Variants in DACH1 observed in about 807,000 individuals in gnomAD.
The protein encoded by DACH1 is dachshund family transcription factor 1.
DACH1 carries 12 observed loss-of-function variants against 54.2 expected under a neutral mutation model. The observed-to-expected ratio is 0.22, with a 90% confidence interval of 0.14 to 0.36. The LOEUF (loss-of-function observed/expected upper bound fraction) is 0.36, where lower values mean the gene tolerates loss of function less well. Among genes scored for constraint, DACH1 ranks in the 10% least tolerant of loss-of-function variants. DACH1 has a pLI of 1.00. For synonymous variants in DACH1, 386 were observed against 366.2 expected, an observed-to-expected ratio of 1.05 and a Z score of -0.62; for missense variants, 805 against 929.8, an observed-to-expected ratio of 0.87 and a Z score of 1.75.
intron 6 of DACH1, among the ~76,000 whole-genome samples, chr13:71,497,947 C>T (rs1879586033): frequency 6.6e-6 from 1 of 151,470 alleles, no homozygotes; most frequent in Non-Finnish European, 1.5e-5. Flanking sequence ...ACAGGTTTTG[C>T]AGAAATAGAC....
At chr13:71,653,168 C>T (rs1457644758) in intron 2 of DACH1, among the ~76,000 whole-genome samples, 1 of 152,076 alleles carries the variant, frequency 6.6e-6, no homozygotes, top group East Asian at 1.9e-4. Flanking sequence ...AAAATTCATC[C>T]CCATTTCCCA....
intron 2 of DACH1, among the ~76,000 whole-genome samples, chr13:71,649,480 A>G (rs1878525204): frequency 6.6e-6 from 1 of 152,150 alleles, no homozygotes; most frequent in Non-Finnish European, 1.5e-5. Context: ...GTTGTAGCGG[A>G]TATAAAAATT....
intron 2 of DACH1, among the ~76,000 whole-genome samples, chr13:71,645,892 G>T (rs1308989862): frequency 6.6e-6 from 1 of 152,030 alleles, no homozygotes; most frequent in East Asian, 1.9e-4. Context: ...CTAGCCTGGT[G>T]GCCTAATAAG....
At chr13:71,480,610 T>G (rs1208366882) in intron 7 of DACH1, among the ~76,000 whole-genome samples, 7 of 152,194 alleles carry the variant, frequency 4.6e-5, no homozygotes, top group Non-Finnish European at 1.0e-4. Context: ...TGCCTTGGTC[T>G]GTGAGTGTCA....
In DACH1 at chr13:71,439,595, G is replaced by C. The variant is rs1873827202; in HGVS notation, c.*1060C>G. On this transcript the variant is annotated 3_prime_UTR_variant, in exon 11 of 11. Coordinates refer to ENST00000613252, the MANE Select transcript of DACH1 (RefSeq NM_080759.6). ...ATCCATTCCCAATAGTGCAGCTTGGGGCACTAGCTAGGGTTCAATATACAA... is the reference window on the plus strand; with the variant it reads ...ATCCATTCCCAATAGTGCAGCTTGGCGCACTAGCTAGGGTTCAATATACAA... The C allele has an allele frequency of 6.6e-6, 1 of 152,344 alleles. No individual in the cohort carries two copies. The highest frequency in any genetic ancestry group is 6.6e-5 in the Admixed American group (1 of 15,226). The allele number at this position is 152,344 out of a possible 1,614,324, so 9.4% of individuals were successfully genotyped here. A position where few individuals can be genotyped will look rare whatever the true frequency, so the allele number is the denominator to read the frequency against.
At chr13:71,601,519 T>C (rs1192836615) in intron 3 of DACH1, among the ~76,000 whole-genome samples, 2 of 152,048 alleles carry the variant, frequency 1.3e-5, no homozygotes, top group African/African-American at 4.8e-5. Flanking sequence ...GCTTCAGATA[T>C]AGAGTGAAGT....
chr13:71,451,982 A>C (rs570042457), intron 10 of DACH1, among the ~76,000 whole-genome samples: 1 of 152,232 alleles, frequency 6.6e-6, no homozygotes, highest in Admixed American at 6.5e-5. Flanking sequence ...CAAATGCTTC[A>C]GAAAATATTA....
At chr13:71,700,537 C>T (rs1015759177) in intron 1 of DACH1, among the ~76,000 whole-genome samples, 1 of 128,820 alleles carries the variant, frequency 7.8e-6, no homozygotes, top group Non-Finnish European at 1.6e-5. Flanking sequence ...TCCTGGGTGA[C>T]ACACAGCAAG....
intron 3 of DACH1, among the ~76,000 whole-genome samples, chr13:71,596,449 T>C (rs1310828230): frequency 2.6e-5 from 4 of 152,198 alleles, no homozygotes; most frequent in Non-Finnish European, 5.9e-5. Flanking sequence ...AGTAGAAATG[T>C]CTGGTTTATA....
chr13:71,477,029 T>C (rs1408008784), intron 8 of DACH1, among the ~76,000 whole-genome samples: 2 of 145,490 alleles, frequency 1.4e-5, no homozygotes, highest in African/African-American at 5.0e-5. Context: ...TAATAACGAC[T>C]CAAGTATTTT....
At chr13:71,740,661 A>G (rs1452462787) in intron 1 of DACH1, among the ~76,000 whole-genome samples, 1 of 152,212 alleles carries the variant, frequency 6.6e-6, no homozygotes, top group Admixed American at 6.5e-5. Context: ...ATAAAGCTGA[A>G]TAAGATATTG....
intron 6 of DACH1, among the ~76,000 whole-genome samples, chr13:71,500,348 G>T (rs759366460): frequency 6.6e-6 from 1 of 152,050 alleles, no homozygotes; most frequent in African/African-American, 2.4e-5. Context: ...TTGATACCCT[G>T]TTCTCTTCTT....
At chr13:71,513,189 G>A (rs1880911230) in intron 6 of DACH1, among the ~76,000 whole-genome samples, 1 of 151,904 alleles carries the variant, frequency 6.6e-6, no homozygotes. Flanking sequence ...TTAAAAGTAT[G>A]CTCTCTTAAG....
chr13:71,506,092 T>C (rs1302893110), intron 6 of DACH1, among the ~76,000 whole-genome samples: 1 of 152,020 alleles, frequency 6.6e-6, no homozygotes, highest in Non-Finnish European at 1.5e-5. Flanking sequence ...ATAAAAATAT[T>C]ACATTTACAT....
At chr13:71,848,662 A>C (rs1049032642) in intron 1 of DACH1, among the ~76,000 whole-genome samples, 1 of 151,882 alleles carries the variant, frequency 6.6e-6, no homozygotes, top group South Asian at 2.1e-4. Flanking sequence ...CTCCTGTCTC[A>C]GCCTCCCAAG....
At chr13:71,806,600 T>C (rs1887516021) in intron 1 of DACH1, among the ~76,000 whole-genome samples, 1 of 152,212 alleles carries the variant, frequency 6.6e-6, no homozygotes, top group African/African-American at 2.4e-5. Flanking sequence ...TATCAGTACT[T>C]GTTAATGTCA....
intron 1 of DACH1, among the ~76,000 whole-genome samples, chr13:71,855,289 T>C (rs1439131144): frequency 2.0e-4 from 30 of 152,050 alleles, no homozygotes; most frequent in Admixed American, 1.8e-3. Context: ...AACCCGATGA[T>C]GGAATTATTT....
intron 1 of DACH1, among the ~76,000 whole-genome samples, chr13:71,770,947 A>G (rs1885828824): frequency 6.6e-6 from 1 of 151,542 alleles, no homozygotes; most frequent in South Asian, 2.1e-4. Flanking sequence ...AGGACTTACT[A>G]ATAGGATTGC....
chr13:71,680,362 A>G (rs1179377811), intron 2 of DACH1, among the ~76,000 whole-genome samples: 1 of 152,136 alleles, frequency 6.6e-6, no homozygotes, highest in Non-Finnish European at 1.5e-5. Flanking sequence ...GGAACTTTGG[A>G]AGGCCAAGGC....
Sources: gnomAD v4.1 joint callset for allele counts (sites outside exome capture counted in the v4.1 genomes callset) on GRCh38, gnomAD v4.1.1 for gene constraint, MANE v1.5 for transcripts, NCBI Gene and HGNC (gene_info 2026-07-23, HGNC 2026-07-21) for gene names.